Variants in ZFR2 observed in about 807,000 individuals in gnomAD.
ZFR2 encodes the protein zinc finger RNA binding protein 2, also known as zinc finger RNA-binding protein 2.
A neutral mutation model predicts 105.7 loss-of-function variants in ZFR2; 104 were observed. That is an observed-to-expected ratio of 0.98 (90% CI 0.84 to 1.16). The LOEUF is 1.16. Among genes scored for constraint, ZFR2 ranks in the 50% most tolerant of loss-of-function variants. ZFR2 has a pLI of 0.00. For missense variants in ZFR2, 1,425 were observed against 1,355.5 expected (o/e 1.05, Z -0.80); for synonymous variants, 634 against 597.7 (o/e 1.06, Z -0.89).
chr19:3,811,375 A>G lies in ZFR2; in HGVS notation c.2243-9T>C. On this transcript the variant is annotated splice_polypyrimidine_tract_variant and intron_variant, in intron 14 of 18. Coordinates refer to ENST00000262961, the MANE Select transcript of ZFR2 (RefSeq NM_015174.2). ...CTGAGGCTCCTCCACACCTTCTAGA[A>G]GAAAAACCTCGAGGTGTGCGGGGAA... The G allele has an allele frequency of 6.3e-7, 1 of 1,578,000 alleles. No individual in the cohort carries two copies. Among genetic ancestry groups the G allele is most frequent in the Non-Finnish European group, 8.6e-7 (1 of 1,163,478 alleles).
intron 11 of ZFR2, 27 bp from the exon 12 acceptor site, chr19:3,819,262 GGGT>G: frequency 6.7e-7 from 1 of 1,489,028 alleles, no homozygotes; most frequent in Non-Finnish European, 8.9e-7. Context: ...CACGTGTCAA[GGGT>G]GGTCTGTGGG....
chr19:3,814,684 G>C (rs917991503), intron 13 of ZFR2, among the ~76,000 whole-genome samples: 3 of 152,246 alleles, frequency 2.0e-5, no homozygotes, highest in Non-Finnish European at 4.4e-5. Context: ...GAAAGCAGGG[G>C]CTGTATCTAT....
chr19:3,852,258 TG>T, intron 1 of ZFR2: 1 of 555,236 alleles, frequency 1.8e-6, no homozygotes, highest in Non-Finnish European at 3.2e-6. Context: ...CCTGGCCAGA[TG>T]GGGCTCAGCT....
rs1350308686 is a variant in ZFR2 at position 3,831,697 on chromosome 19, G to C, written c.561C>G (p.Pro187=). The C allele has an allele frequency of 3.2e-6, 5 of 1,580,116 alleles. No individual in the cohort carries two copies. The highest frequency in any genetic ancestry group is 3.5e-5 in the Admixed American group (2 of 56,656). The change falls in exon 4 of 19, where the codon CCC becomes CCG. Residue 187 remains proline (P), a synonymous_variant. Transcript: ENST00000262961. ...TGCAGGTGGGGTTGTAGGAGGGCGG[G>C]GGGTAGGAGGTCACGATGGAAGCTG... ...ESSASIVTSY[P]PPSYNPTCTA... is the part of the protein sequence containing the mutation.
rs1254492981 is a variant in ZFR2 at position 3,825,229 on chromosome 19, C to CCCT, written c.1211_1213dup (p.Glu404dup). Reference sequence around the variant, plus strand: ...ACGAACACGCATACAGACACACGTACCCTCGCATAAGGCCTTCGAGGCCAC... The same window carrying CCCT: ...ACGAACACGCATACAGACACACGTACCCTCCTCGCATAAGGCCTTCGAGGCCAC... On this transcript the variant is annotated inframe_insertion and splice_region_variant. Transcript: ENST00000262961. 2 of 1,530,204 alleles carry CCCT rather than the reference C, an allele frequency of 1.3e-6. No individual in the cohort carries two copies. The highest frequency in any genetic ancestry group is 1.7e-6 in the Non-Finnish European group (2 of 1,146,798). The allele number at this position is 1,530,204 out of a possible 1,614,324, so 94.8% of individuals were successfully genotyped here.
rs770422334 is a variant in ZFR2 at position 3,834,820 on chromosome 19, G to A, written c.217C>T (p.Arg73Ter). The change falls in exon 2 of 19, where the codon CGA (arginine) becomes TGA (stop). Residue 73 changes from arginine to a stop codon, truncating the protein, a stop_gained. Coordinates refer to ENST00000262961, the MANE Select transcript of ZFR2 (RefSeq NM_015174.2). LOFTEE classifies it high-confidence loss of function. The surrounding 1 kb of genome is among the most constrained non-coding windows in gnomAD (Gnocchi z 5.3). ...GCCGTGGGGACGGGCTCCTGGGGTC[G>A]GCTGCCGTAGGCGAAGTCCTGGCCG... ...HSGQDFAYGS[R>*]PQEPVPTATT... 23 of 1,611,512 alleles carry A rather than the reference G, an allele frequency of 1.4e-5. No individual in the cohort carries two copies. Among genetic ancestry groups the A allele is most frequent in the Non-Finnish European group, 1.5e-5 (18 of 1,179,472 alleles).
chr19:3,827,382 G>C, intron 6 of ZFR2, 89 bp downstream of exon 6: 1 of 1,384,660 alleles, frequency 7.2e-7, no homozygotes, highest in South Asian at 1.7e-5. Context: ...AGCTCCCTCT[G>C]ATCTCCCCAG....
At chr19:3,814,283 C>T (rs938069878) in intron 13 of ZFR2, among the ~76,000 whole-genome samples, 8 of 152,200 alleles carry the variant, frequency 5.3e-5, no homozygotes, top group African/African-American at 1.4e-4. Context: ...ATAACAGATA[C>T]CTGGCAGAAA....
intron 6 of ZFR2, among the ~76,000 whole-genome samples, chr19:3,826,102 C>G (rs1366207297): frequency 6.6e-6 from 1 of 152,118 alleles, no homozygotes; most frequent in Non-Finnish European, 1.5e-5. Flanking sequence ...ACACCTGCAG[C>G]TCTGCCCCAC....
chr19:3,840,672 A>G (rs1490102083), intron 1 of ZFR2, among the ~76,000 whole-genome samples: 1 of 152,122 alleles, frequency 6.6e-6, no homozygotes, highest in Admixed American at 6.6e-5. Flanking sequence ...CTGGGACCAC[A>G]GGCATGCACC....
At chr19:3,852,729 AAC>A in intron 1 of ZFR2, 12 of 638,728 alleles carry the variant, frequency 1.9e-5, no homozygotes, top group Non-Finnish European at 3.5e-5. Context: ...AGCCAGCAAA[AAC>A]ACAGCTCCTG....
chr19:3,856,435 C>A (rs1393223560), intron 1 of ZFR2, among the ~76,000 whole-genome samples: 2 of 152,068 alleles, frequency 1.3e-5, no homozygotes, highest in Non-Finnish European at 2.9e-5. Flanking sequence ...TGTAACATCC[C>A]CCCTTTAAAG....
At chr19:3,853,723 C>T (rs111342087) in intron 1 of ZFR2, among the ~76,000 whole-genome samples, 12 of 152,118 alleles carry the variant, frequency 7.9e-5, no homozygotes, top group African/African-American at 2.2e-4. Context: ...CCTTTTGGGC[C>T]GATAGGAATG....
At chr19:3,820,091 T>TG in intron 11 of ZFR2, 91 bp downstream of exon 11, 3 of 1,280,796 alleles carry the variant, frequency 2.3e-6, no homozygotes, top group Non-Finnish European at 2.2e-6. Flanking sequence ...ATGTGGGAGT[T>TG]GGGGGGAGGC....
rs754090820 is a variant in ZFR2, at chr19:3,823,311, C to T, written c.1306G>A (p.Gly436Ser). The change falls in exon 8 of 19, where the codon GGC (glycine) becomes AGC (serine). Residue 436 changes from glycine to serine, a missense_variant. Transcript: ENST00000262961. The surrounding 1 kb of genome is among the most constrained non-coding windows in gnomAD (Gnocchi z 5.4). Reference sequence around the variant, plus strand: ...CAGCCCGCGGGAGCTTCCTTTGAGCCTCCTTGGGTAGGTGCTCCGGGACCC... The same window carrying T: ...CAGCCCGCGGGAGCTTCCTTTGAGCTTCCTTGGGTAGGTGCTCCGGGACCC... ...LEGPGAPTQG[G>S]SKEAPAGCSD... is the part of the protein sequence containing the mutation. 10 of 1,613,926 alleles carry T rather than the reference C, an allele frequency of 6.2e-6. No homozygotes were observed. Among genetic ancestry groups the T allele is most frequent in the South Asian group, 2.2e-5 (2 of 91,094 alleles).
At chr19:3,806,212 C>T (rs2037695191) in intron 18 of ZFR2, 87 bp from the exon 19 acceptor site, 2 of 1,353,946 alleles carry the variant, frequency 1.5e-6, no homozygotes, top group Admixed American at 3.4e-5. Flanking sequence ...TCTGTGGCCA[C>T]CAGCAGATGG....
rs190702604 is a variant in ZFR2, at chr19:3,864,995, C to T, written c.53+3970G>A. On this transcript the variant is annotated intron_variant, in intron 1 of 18. Coordinates refer to ENST00000262961, the MANE Select transcript of ZFR2 (RefSeq NM_015174.2). ...AACTCCTGACCTCAGGTGATCTACC[C>T]GCCTCGGCCTCCCAAAGTGCTGGGA... Among the ~76,000 whole-genome samples, 421 of 152,082 alleles carry T rather than the reference C, an allele frequency of 2.8e-3. 5 individuals carry two copies. Among genetic ancestry groups the T allele is most frequent in the African/African-American group, 9.3e-3 (387 of 41,506 alleles).
intron 17 of ZFR2, among the ~76,000 whole-genome samples, chr19:3,807,782 G>A (rs1452658147): frequency 6.7e-6 from 1 of 150,352 alleles, no homozygotes; most frequent in Non-Finnish European, 1.5e-5. Context: ...CCATGCGTAT[G>A]CATGTGCGCC....
chr19:3,809,527 G>T (rs1399816894), intron 16 of ZFR2, among the ~76,000 whole-genome samples: 1 of 152,196 alleles, frequency 6.6e-6, no homozygotes, highest in Admixed American at 6.5e-5. Context: ...TACAGTCACA[G>T]CAGGAAAACA....
Sources: gnomAD v4.1 joint callset for allele counts (sites outside exome capture counted in the v4.1 genomes callset) on GRCh38, gnomAD v4.1.1 for gene constraint, Gnocchi (gnomAD v3.1) non-coding constraint, MANE v1.5 for transcripts, NCBI Gene and HGNC (gene_info 2026-07-23, HGNC 2026-07-21) for gene names.